The following SEMA5B variants were observed in gnomAD, a reference collection of about 807,000 sequenced individuals.
SEMA5B encodes the protein semaphorin-5B.
SEMA5B carries 66 observed loss-of-function variants against 135.0 expected under a neutral mutation model. The ratio of observed to expected loss-of-function variants is 0.49; its 90% CI spans 0.40 to 0.60. SEMA5B has a LOEUF of 0.60. Among genes scored for constraint, SEMA5B ranks in the 20% least tolerant of loss-of-function variants. The pLI is 0.00. For missense variants in SEMA5B, 1,501 were observed against 1,566.3 expected (o/e 0.96, Z 0.70); for synonymous variants, 690 against 639.5 (o/e 1.08, Z -1.19).
intron 1 of SEMA5B, among the ~76,000 whole-genome samples, chr3:122,988,706 G>A (rs555128087): frequency 8.5e-4 from 129 of 152,328 alleles, no homozygotes; most frequent in African/African-American, 2.9e-3. Context: ...AAGGCCTTGG[G>A]GTGGGGCCTG....
intron 5 of SEMA5B, among the ~76,000 whole-genome samples, chr3:122,931,928 C>T (rs1938993109): frequency 6.6e-6 from 1 of 152,134 alleles, no homozygotes; most frequent in Non-Finnish European, 1.5e-5. Flanking sequence ...GGTCAGAACA[C>T]CAGAAAAAAT....
At chr3:122,911,449 G>A (rs1340883656) in intron 21 of SEMA5B, 42 bp downstream of exon 21, 2 of 1,591,400 alleles carry the variant, frequency 1.3e-6, no homozygotes, top group Non-Finnish European at 8.5e-7. Flanking sequence ...GTGCCGGAGG[G>A]CTGGGAGGAC....
intron 10 of SEMA5B, among the ~76,000 whole-genome samples, chr3:122,922,875 G>GCCAAGCA (rs148673680): frequency 6.6e-6 from 1 of 151,922 alleles, no homozygotes; most frequent in Non-Finnish European, 1.5e-5. Context: ...AAAGCTGGAA[G>GCCAAGCA]CCTTCTGAGC....
At chr3:123,001,095 A>G (rs1348802652) in intron 1 of SEMA5B, among the ~76,000 whole-genome samples, 1 of 152,168 alleles carries the variant, frequency 6.6e-6, no homozygotes, top group East Asian at 1.9e-4. Context: ...GGGCCCCAGC[A>G]AGATGTGGCA....
intron 1 of SEMA5B, among the ~76,000 whole-genome samples, chr3:122,983,522 A>C (rs1207821373): frequency 6.6e-6 from 1 of 151,848 alleles, no homozygotes; most frequent in Non-Finnish European, 1.5e-5. Context: ...TTGGGGGAGC[A>C]CAGAGAAGCT....
At chr3:122,919,748 T>C (rs997371498) in intron 12 of SEMA5B, among the ~76,000 whole-genome samples, 3 of 152,224 alleles carry the variant, frequency 2.0e-5, no homozygotes, top group Non-Finnish European at 2.9e-5. Flanking sequence ...TTGCGTTTCA[T>C]ACTTTTTGGA....
In SEMA5B at chr3:122,912,083, G is replaced by C; in HGVS notation, c.2897-14C>G. The C allele has an allele frequency of 2.5e-6, 4 of 1,603,630 alleles. No individual in the cohort carries two copies. Among genetic ancestry groups the C allele is most frequent in the Non-Finnish European group, 3.4e-6 (4 of 1,172,140 alleles). ...GCGACCAGCCTTCTGGGGATTGTGG[G>C]TAGGATGAGGTTAACTGCCCAGGGA... On this transcript the variant is annotated splice_polypyrimidine_tract_variant and intron_variant, in intron 19 of 22. Transcript: ENST00000357599.
At chr3:122,939,563 G>C in intron 4 of SEMA5B, 93 bp from the exon 5 acceptor site, 1 of 939,692 alleles carries the variant, frequency 1.1e-6, no homozygotes, top group Non-Finnish European at 1.8e-6. Flanking sequence ...TGGGACGCCA[G>C]GACTGGGTGC....
chr3:122,959,101 C>T (rs368015198), intron 2 of SEMA5B, among the ~76,000 whole-genome samples: 6 of 152,308 alleles, frequency 3.9e-5, no homozygotes, highest in East Asian at 3.9e-4. Context: ...GGGCAGGGAG[C>T]TCGCGGCAGA....
chr3:122,941,306 C>T (rs536627874), intron 4 of SEMA5B, among the ~76,000 whole-genome samples: 7 of 152,314 alleles, frequency 4.6e-5, no homozygotes, highest in African/African-American at 1.7e-4. Context: ...TAGCCAGGCT[C>T]AAGGATGCAG....
intron 10 of SEMA5B, 69 bp from the exon 11 acceptor site, chr3:122,922,516 C>T (rs962831995): frequency 2.1e-6 from 3 of 1,440,998 alleles, no homozygotes; most frequent in Admixed American, 2.0e-5. Context: ...CCGGCTCCCT[C>T]CTCCTGGCAA....
chr3:123,019,368 G>C (rs1942627659), intron 1 of SEMA5B, among the ~76,000 whole-genome samples: 1 of 152,168 alleles, frequency 6.6e-6, no homozygotes, highest in South Asian at 2.1e-4. Context: ...GGCCAAGGGA[G>C]GTAGATCACT....
intron 1 of SEMA5B, chr3:122,975,999 C>G (rs994714351): frequency 1.8e-4 from 278 of 1,535,008 alleles, no homozygotes; most frequent in Non-Finnish European, 2.3e-4. Context: ...CACTTGCCCA[C>G]CTCGATCCCT....
chr3:122,932,998 G>A (rs949939942), intron 5 of SEMA5B, among the ~76,000 whole-genome samples: 1 of 152,126 alleles, frequency 6.6e-6, no homozygotes, highest in Non-Finnish European at 1.5e-5. Flanking sequence ...GGGATTCTAG[G>A]TGTAAGCCAC....
intron 4 of SEMA5B, among the ~76,000 whole-genome samples, chr3:122,942,722 T>C (rs889289724): frequency 2.6e-5 from 4 of 152,198 alleles, no homozygotes; most frequent in African/African-American, 9.7e-5. Flanking sequence ...ACAGGTTGCC[T>C]CTTCCCAGAG....
At chr3:122,960,108 C>G (rs567263650) in intron 2 of SEMA5B, among the ~76,000 whole-genome samples, 1 of 152,340 alleles carries the variant, frequency 6.6e-6, no homozygotes, top group Admixed American at 6.5e-5. Flanking sequence ...AACATGCCCA[C>G]AACTCAAAAA....
intron 1 of SEMA5B, among the ~76,000 whole-genome samples, chr3:123,020,864 TGTTCACCCC>T (rs1350063254): frequency 6.6e-6 from 1 of 152,244 alleles, no homozygotes; most frequent in Non-Finnish European, 1.5e-5. Context: ...GACTTGAGGC[TGTTCACCCC>T]ACTTCACAGC....
chr3:122,922,570 C>G (rs1008032093), intron 10 of SEMA5B, 123 bp from the exon 11 acceptor site: 3 of 852,162 alleles, frequency 3.5e-6, no homozygotes, highest in South Asian at 3.2e-5. Context: ...CAGCACCCCC[C>G]ACCCCTAGCA....
Position 122,913,274 on chromosome 3 carries a change from C to T in SEMA5B, c.2431G>A (p.Gly811Ser), listed in dbSNP as rs553955053. The T allele has an allele frequency of 3.2e-6, 5 of 1,584,182 alleles. No homozygotes were observed. In the Admixed American group the frequency reaches 5.2e-5, roughly 16 times the overall value. Reference protein sequence around the residue: ...TCRAPLADPHGLQFGRRRTET... With the variant: ...TCRAPLADPHSLQFGRRRTET... ...GTCCTTCTCCTGCCGAACTGCAGGC[C>T]GTGCGGGTCTGCAAGGGGCGCGCGG... Residue 811 changes from glycine (G) to serine (S), a missense_variant, in exon 17 of 23, where the codon GGC becomes AGC. This residue lies in a region of SEMA5B where 927 missense variants were observed against 881.6 expected (regional missense o/e 1.05). Transcript: ENST00000357599.
Sources: allele counts gnomAD v4.1 joint callset (sites outside exome capture counted in the v4.1 genomes callset), GRCh38; gene constraint gnomAD v4.1.1; regional missense constraint gnomAD v4.1.1; transcripts MANE v1.5; gene names NCBI Gene and HGNC (gene_info 2026-07-23, HGNC 2026-07-21).